The following GRIP1 variants were observed in gnomAD, a reference collection of about 807,000 sequenced individuals.
GRIP1 encodes glutamate receptor-interacting protein 1.
In GRIP1, 45 loss-of-function variants were observed where a neutral mutation model predicts 129.9. The observed-to-expected ratio is 0.35, with a 90% CI of 0.27 to 0.44. The LOEUF (loss-of-function observed/expected upper bound fraction) is 0.44. Ranked by LOEUF, GRIP1 falls within the 20% of genes least tolerant of loss-of-function variation. The pLI, the probability that GRIP1 is intolerant of heterozygous loss-of-function variation, is 1.00. For missense variants in GRIP1, 1,196 were observed against 1,396.8 expected (o/e 0.86, Z 2.29); for synonymous variants, 530 against 520.8 (o/e 1.02, Z -0.24).
chr12:66,618,899 A>T (rs1565915205), intron 1 of GRIP1, among the ~76,000 whole-genome samples: 1 of 152,136 alleles, frequency 6.6e-6, no homozygotes, highest in Non-Finnish European at 1.5e-5. Flanking sequence ...TCTTGGTAGG[A>T]TAAATAAAGA....
At chr12:66,594,067 CAAAAAAAA>C (rs10661389) in intron 2 of GRIP1, among the ~76,000 whole-genome samples, 1 of 52,930 alleles carries the variant, frequency 1.9e-5, no homozygotes, top group Admixed American at 2.7e-4. Context: ...GACTCCGTCT[CAAAAAAAA>C]AAAAAAAAAA....
chr12:66,682,381 C>T (rs1057316116), upstream of GRIP1, among the ~76,000 whole-genome samples: 2 of 152,130 alleles, frequency 1.3e-5, no homozygotes, highest in Non-Finnish European at 2.9e-5. Flanking sequence ...ATGGTTAGCC[C>T]ATCCTGACTG....
chr12:66,390,923 C>T (rs974622158), intron 19 of GRIP1, among the ~76,000 whole-genome samples: 4 of 152,204 alleles, frequency 2.6e-5, no homozygotes, highest in Admixed American at 6.5e-5. Flanking sequence ...AGCCCCAATT[C>T]TACTTAGGTG....
chr12:66,493,774 T>C (rs984021934), intron 7 of GRIP1, among the ~76,000 whole-genome samples: 1 of 152,222 alleles, frequency 6.6e-6, no homozygotes, highest in Non-Finnish European at 1.5e-5. Flanking sequence ...TTATGGAAAC[T>C]TGATTTTAAT....
intron 2 of GRIP1, among the ~76,000 whole-genome samples, chr12:66,565,668 A>G (rs1487147354): frequency 1.3e-5 from 2 of 152,134 alleles, no homozygotes; most frequent in Non-Finnish European, 2.9e-5. Flanking sequence ...GAAGAAAGTC[A>G]TTGGTAGCTT....
At chr12:66,842,321 C>A (rs556281473) in intron 1 of GRIP1, among the ~76,000 whole-genome samples, 1 of 151,732 alleles carries the variant, frequency 6.6e-6, no homozygotes, top group South Asian at 2.1e-4. Context: ...ATAAATGTTA[C>A]CAATACAATT....
chr12:66,615,602 ATACAC>A (rs935363449), intron 1 of GRIP1, among the ~76,000 whole-genome samples: 1 of 152,220 alleles, frequency 6.6e-6, no homozygotes, highest in African/African-American at 2.4e-5. Flanking sequence ...CCTTAAATGA[ATACAC>A]TAGTGTTCCT....
intron 16 of GRIP1, 84 bp downstream of exon 16, chr12:66,406,199 G>A: frequency 7.5e-7 from 1 of 1,327,414 alleles, no homozygotes; most frequent in Middle Eastern, 1.8e-4. Context: ...GCCAGCTGTT[G>A]TATGTAAAAC....
intron 2 of GRIP1, among the ~76,000 whole-genome samples, chr12:66,590,191 A>T (rs7958527): frequency 0.88 from 133,418 of 152,198 alleles, 58,624 homozygotes; most frequent in East Asian, 0.96. Context: ...ACAAAGGGGT[A>T]CCCAAACGGG....
At chr12:66,618,452 C>T (rs959670831) in intron 1 of GRIP1, among the ~76,000 whole-genome samples, 4 of 151,752 alleles carry the variant, frequency 2.6e-5, no homozygotes, top group Non-Finnish European at 5.9e-5. Flanking sequence ...ATCTTTTCAC[C>T]ATATATCTTC....
chr12:66,588,971 T>A (rs1343917667), intron 2 of GRIP1, among the ~76,000 whole-genome samples: 1 of 135,488 alleles, frequency 7.4e-6, no homozygotes, highest in African/African-American at 2.8e-5. Flanking sequence ...CGTGTCCCCC[T>A]CCTACAAAAA....
At chr12:66,390,419 G>C (rs950469684) in intron 19 of GRIP1, among the ~76,000 whole-genome samples, 1 of 152,082 alleles carries the variant, frequency 6.6e-6, no homozygotes, top group Non-Finnish European at 1.5e-5. Context: ...TTATCCCTCA[G>C]TTCCCTTCAA....
At chr12:66,663,868 A>G (rs568240723) in intron 1 of GRIP1, among the ~76,000 whole-genome samples, 1 of 152,312 alleles carries the variant, frequency 6.6e-6, no homozygotes, top group Non-Finnish European at 1.5e-5. Flanking sequence ...TTTGAAAGCC[A>G]CTGTCTAAGG....
chr12:66,386,397 G>T (rs2056359045), intron 19 of GRIP1, among the ~76,000 whole-genome samples: 1 of 152,196 alleles, frequency 6.6e-6, no homozygotes, highest in Non-Finnish European at 1.5e-5. Flanking sequence ...ACTTTGGGAG[G>T]CCGAGGCAGG....
chr12:66,384,869 T>C (rs2056284143), intron 19 of GRIP1, among the ~76,000 whole-genome samples: 1 of 152,220 alleles, frequency 6.6e-6, no homozygotes, highest in Admixed American at 6.5e-5. Flanking sequence ...AAGAAAATCT[T>C]CAAATCAGCT....
rs114227083 is a variant in GRIP1 at position 66,928,071 on chromosome 12, G to A, written c.58+140979C>T. Among the ~76,000 whole-genome samples the A allele has an allele frequency of 1.8e-3, 267 of 152,314 alleles. 2 individuals carry two copies. Among genetic ancestry groups the A allele is most frequent in the African/African-American group, 6.1e-3 (253 of 41,564 alleles). On this transcript the variant is annotated intron_variant, in intron 1 of 1. Coordinates refer to the GRIP1 transcript ENST00000643019. ...GCAGAGCTGAGGTCCCAGAGAAATG[G>A]AGCAAGGCACTGTCTGCGCTCCGGA...
At chr12:66,488,652 GA>G (rs1208831745) in intron 7 of GRIP1, among the ~76,000 whole-genome samples, 2 of 151,846 alleles carry the variant, frequency 1.3e-5, no homozygotes, top group Admixed American at 6.6e-5. Context: ...ATAGAGATGT[GA>G]AAATCCCTTC....
At chr12:66,615,976 C>A (rs1231614845) in intron 1 of GRIP1, among the ~76,000 whole-genome samples, 1 of 152,110 alleles carries the variant, frequency 6.6e-6, no homozygotes, top group Non-Finnish European at 1.5e-5. Flanking sequence ...AACCACGATG[C>A]CTGCATTCAA....
chr12:66,624,937 C>T (rs931314130), intron 1 of GRIP1, among the ~76,000 whole-genome samples: 5 of 151,050 alleles, frequency 3.3e-5, no homozygotes, highest in South Asian at 2.1e-4. Flanking sequence ...TGTTTTAAAA[C>T]GTCAAATGCA....
Sources: allele counts gnomAD v4.1 joint callset (sites outside exome capture counted in the v4.1 genomes callset), GRCh38; gene constraint gnomAD v4.1.1; transcripts MANE v1.5; gene names NCBI Gene and HGNC (gene_info 2026-07-23, HGNC 2026-07-21).